The following WFDC1 variants were observed in gnomAD, a reference collection of about 807,000 sequenced individuals.
The protein encoded by WFDC1 is WAP four-disulfide core domain protein 1.
Under a neutral mutation model 32.9 loss-of-function variants are expected in WFDC1, and 39 were observed. That is an observed-to-expected ratio of 1.19 (90% CI 0.92 to 1.55). WFDC1 has a LOEUF of 1.55. Ranked by LOEUF, WFDC1 falls within the 40% of genes most tolerant of loss-of-function variation. The pLI, the probability that WFDC1 is intolerant of heterozygous loss-of-function variation, is 0.00. For missense variants in WFDC1, 386 were observed against 309.5 expected (o/e 1.25, Z -1.85); for synonymous variants, 184 against 137.4 (o/e 1.34, Z -2.37).
chr16:84,321,371 T>G (rs376111061), intron 4 of WFDC1, among the ~76,000 whole-genome samples: 2 of 152,296 alleles, frequency 1.3e-5, no homozygotes, highest in South Asian at 4.1e-4. Context: ...TATGGTCCTT[T>G]GGAGGTAAAA....
At chr16:84,299,423 A>G (rs553217249) in intron 1 of WFDC1, among the ~76,000 whole-genome samples, 12 of 152,112 alleles carry the variant, frequency 7.9e-5, no homozygotes, top group Non-Finnish European at 1.3e-4. Flanking sequence ...CCAGAACCAA[A>G]TATTTATGAG....
intron 1 of WFDC1, among the ~76,000 whole-genome samples, chr16:84,306,004 AAATAATAATAATAATAAT>A (rs141595518): frequency 1.3e-3 from 185 of 144,554 alleles, no homozygotes; most frequent in African/African-American, 4.3e-3. Flanking sequence ...CCTTTTCTCA[AAATAATAATAATAATAAT>A]AATAATAATA....
chr16:84,296,262 A>G (rs1249541814), intron 1 of WFDC1, among the ~76,000 whole-genome samples: 6 of 152,238 alleles, frequency 3.9e-5, no homozygotes, highest in African/African-American at 1.4e-4. Context: ...GCAGCTTTCA[A>G]TCAAATAATT....
chr16:84,302,453 C>A (rs1906997201), intron 1 of WFDC1, among the ~76,000 whole-genome samples: 1 of 152,156 alleles, frequency 6.6e-6, no homozygotes, highest in African/African-American at 2.4e-5. Flanking sequence ...ACATAGAGTC[C>A]TTGTGAGTCC....
chr16:84,324,079 C>T (rs112520225), intron 4 of WFDC1, among the ~76,000 whole-genome samples: 20,788 of 152,040 alleles, frequency 0.14, 1,792 homozygotes, highest in Non-Finnish European at 0.19. Flanking sequence ...GAGATCATGC[C>T]ACTGCACTCC....
At chr16:84,319,248 G>A in intron 3 of WFDC1, 183 bp from the exon 4 acceptor site, 5 of 692,762 alleles carry the variant, frequency 7.2e-6, no homozygotes, top group Non-Finnish European at 9.4e-6. Flanking sequence ...GTGTGCACGT[G>A]TGCCACATGC....
chr16:84,320,948 G>A (rs1908272747), intron 4 of WFDC1, among the ~76,000 whole-genome samples: 1 of 152,106 alleles, frequency 6.6e-6, no homozygotes, highest in South Asian at 2.1e-4. Flanking sequence ...TGCATTTAAT[G>A]TCATTATCAT....
At chr16:84,317,330 A>G (rs1567660615) in intron 2 of WFDC1, 3 of 134,032 alleles carry the variant, frequency 2.2e-5, no homozygotes, top group Non-Finnish European at 4.6e-5. Flanking sequence ...ATAAATAAAT[A>G]AATAAATAAG....
intron 4 of WFDC1, among the ~76,000 whole-genome samples, chr16:84,322,148 T>TGTGTGTGCGTGC (rs1555546117): frequency 1.1e-5 from 1 of 88,288 alleles, no homozygotes; most frequent in East Asian, 3.4e-4. Context: ...TCAGAGCCTG[T>TGTGTGTGCGTGC]GTGTGTGTGT....
intron 2 of WFDC1, 28 bp from the exon 3 acceptor site, chr16:84,318,244 G>T (rs1908073991): frequency 6.2e-7 from 1 of 1,612,678 alleles, no homozygotes; most frequent in African/African-American, 1.3e-5. Flanking sequence ...CTTGAGGAGG[G>T]CCCTGATCTG....
At chr16:84,317,489 G>A (rs1004233856) in intron 2 of WFDC1, 20 of 152,136 alleles carry the variant, frequency 1.3e-4, no homozygotes, top group African/African-American at 4.6e-4. Context: ...TGCCTGGTCT[G>A]TTTTCCTGTC....
chr16:84,313,385 C>T (rs1473389041), intron 2 of WFDC1, among the ~76,000 whole-genome samples: 1 of 152,306 alleles, frequency 6.6e-6, no homozygotes, highest in East Asian at 1.9e-4. Context: ...AGGAGATGCC[C>T]TTCCAGAGAA....
At chr16:84,313,599 C>A (rs1449629169) in intron 2 of WFDC1, among the ~76,000 whole-genome samples, 1 of 152,226 alleles carries the variant, frequency 6.6e-6, no homozygotes, top group African/African-American at 2.4e-5. Flanking sequence ...GCTGGAACCT[C>A]AGGTGCCCCT....
At chr16:84,313,932 C>T (rs1009297781) in intron 2 of WFDC1, among the ~76,000 whole-genome samples, 1 of 152,126 alleles carries the variant, frequency 6.6e-6, no homozygotes, top group African/African-American at 2.4e-5. Flanking sequence ...ATCCCAGCTA[C>T]TTGGGAGACT....
intron 1 of WFDC1, among the ~76,000 whole-genome samples, chr16:84,299,004 C>T (rs955025922): frequency 6.6e-6 from 1 of 152,196 alleles, no homozygotes; most frequent in Non-Finnish European, 1.5e-5. Flanking sequence ...GCCCACAGTT[C>T]CCTGACTGGC....
Position 84,302,777 on chromosome 16 carries a change from C to T in WFDC1, c.144+7662C>T, listed in dbSNP as rs529209525. On this transcript the variant is annotated intron_variant, in intron 1 of 6. Coordinates refer to ENST00000219454, the MANE Select transcript of WFDC1 (RefSeq NM_021197.4). The stretch of plus-strand genomic sequence containing the variant: ...TCTCTGACTTGTCCTGAAACAGCCA[C>T]GTGAAGTCAGGGCCAACGTCTTCTG... Among the ~76,000 whole-genome samples, 51 of 152,276 alleles carry T rather than the reference C, an allele frequency of 3.3e-4. 1 individual carries two copies. In the South Asian group the frequency reaches 9.3e-3, roughly 28 times the overall value.
At chr16:84,306,067 G>A (rs1314369461) in intron 1 of WFDC1, among the ~76,000 whole-genome samples, 1 of 151,712 alleles carries the variant, frequency 6.6e-6, no homozygotes, top group Non-Finnish European at 1.5e-5. Context: ...AAAATCAGGT[G>A]AACTATGGAT....
intron 1 of WFDC1, among the ~76,000 whole-genome samples, chr16:84,312,648 G>A (rs1479822551): frequency 1.3e-5 from 2 of 152,002 alleles, no homozygotes; most frequent in African/African-American, 4.8e-5. Context: ...CATATATTAT[G>A]TATTATGTAT....
At chr16:84,323,047 C>T (rs1892419606) in intron 4 of WFDC1, among the ~76,000 whole-genome samples, 1 of 152,152 alleles carries the variant, frequency 6.6e-6, no homozygotes, top group Non-Finnish European at 1.5e-5. Flanking sequence ...TGTTATGGGC[C>T]AGAATTCACC....
Sources: allele counts gnomAD v4.1 joint callset (sites outside exome capture counted in the v4.1 genomes callset), GRCh38; gene constraint gnomAD v4.1.1; transcripts MANE v1.5; gene names NCBI Gene and HGNC (gene_info 2026-07-23, HGNC 2026-07-21).